The following CNTN5 variants were observed in gnomAD, a reference collection of about 807,000 sequenced individuals.
The protein encoded by CNTN5 is contactin 5.
A neutral mutation model predicts 129.1 loss-of-function variants in CNTN5; 77 were observed. The ratio of observed to expected loss-of-function variants is 0.60; its 90% CI spans 0.50 to 0.72. The LOEUF (loss-of-function observed/expected upper bound fraction) is 0.72. CNTN5 is among the 30% of genes least tolerant of loss of function. The pLI, the probability that CNTN5 is intolerant of heterozygous loss-of-function variation, is 0.00. For missense variants in CNTN5, 1,478 were observed against 1,328.8 expected (o/e 1.11, Z -1.75); for synonymous variants, 509 against 465.6 (o/e 1.09, Z -1.20).
chr11:99,875,415 C>T (rs1482980800), intron 6 of CNTN5, among the ~76,000 whole-genome samples: 1 of 152,032 alleles, frequency 6.6e-6, no homozygotes, highest in African/African-American at 2.4e-5. Flanking sequence ...AGCAAAATAA[C>T]AAGTTATCAA....
At chr11:99,537,960 A>T (rs1009280678) in intron 2 of CNTN5, among the ~76,000 whole-genome samples, 1 of 152,182 alleles carries the variant, frequency 6.6e-6, no homozygotes, top group African/African-American at 2.4e-5. Flanking sequence ...GCCATTGAAA[A>T]TGTGAAGTGT....
At chr11:99,821,718 C>T (rs1946806771) in intron 4 of CNTN5, among the ~76,000 whole-genome samples, 1 of 152,020 alleles carries the variant, frequency 6.6e-6, no homozygotes, top group African/African-American at 2.4e-5. Flanking sequence ...ACAGATAAAA[C>T]CCTCATTAAA....
chr11:99,445,060 A>G (rs1414691668), intron 2 of CNTN5, among the ~76,000 whole-genome samples: 4 of 147,884 alleles, frequency 2.7e-5, no homozygotes, highest in Non-Finnish European at 5.9e-5. Flanking sequence ...ATACATTTAT[A>G]TATTTATATA....
chr11:100,053,706 A>C (rs1943080429), intron 9 of CNTN5, among the ~76,000 whole-genome samples: 1 of 151,720 alleles, frequency 6.6e-6, no homozygotes, highest in Non-Finnish European at 1.5e-5. Flanking sequence ...TACATTCTAG[A>C]ATTTCTATGC....
chr11:100,073,012 G>T (rs1326158924), intron 12 of CNTN5, among the ~76,000 whole-genome samples: 34 of 43,558 alleles, frequency 7.8e-4, no homozygotes, highest in East Asian at 2.9e-3. Context: ...AAAAAAAAAA[G>T]TTACTTGCAA....
intron 2 of CNTN5, among the ~76,000 whole-genome samples, chr11:99,443,151 AG>A: frequency 1.3e-5 from 2 of 152,342 alleles, no homozygotes; most frequent in Middle Eastern, 6.8e-3. Context: ...AAGAAAAACA[AG>A]GATTGAAGTC....
intron 6 of CNTN5, among the ~76,000 whole-genome samples, chr11:99,867,182 C>T (rs1238606178): frequency 6.6e-6 from 1 of 152,178 alleles, no homozygotes; most frequent in Non-Finnish European, 1.5e-5. Context: ...CAGTCAAGAT[C>T]ACTGTTGTCC....
chr11:100,338,764 TGGGACC>T (rs1349613305), intron 21 of CNTN5, among the ~76,000 whole-genome samples: 8 of 152,204 alleles, frequency 5.3e-5, no homozygotes, highest in Admixed American at 1.3e-4. Context: ...AATCTCCATG[TGGGACC>T]CATGGCAGTG....
intron 2 of CNTN5, among the ~76,000 whole-genome samples, chr11:99,330,854 C>T (rs968323789): frequency 1.4e-4 from 22 of 151,744 alleles, no homozygotes; most frequent in Non-Finnish European, 3.1e-4. Context: ...ATCTAAATTT[C>T]TTTTTAATTA....
intron 9 of CNTN5, chr11:100,003,923 C>A (rs986485467): frequency 6.6e-6 from 1 of 152,132 alleles, no homozygotes; most frequent in African/African-American, 2.4e-5. Context: ...ATGAAGATGT[C>A]TACCCTCTAC....
chr11:99,333,204 A>G (rs1866076003), intron 2 of CNTN5, among the ~76,000 whole-genome samples: 2 of 152,010 alleles, frequency 1.3e-5, no homozygotes, highest in Non-Finnish European at 2.9e-5. Context: ...TATGTTTACT[A>G]TTCAAACAAT....
intron 1 of CNTN5, among the ~76,000 whole-genome samples, chr11:99,228,236 C>A (rs1565419475): frequency 6.6e-6 from 1 of 152,050 alleles, no homozygotes; most frequent in Admixed American, 6.6e-5. Context: ...CTAATGTGAA[C>A]TTCCTTATCC....
chr11:99,926,636 T>A (rs552234552), intron 7 of CNTN5, among the ~76,000 whole-genome samples: 2 of 152,264 alleles, frequency 1.3e-5, no homozygotes, highest in Admixed American at 6.5e-5. Flanking sequence ...GATACCATGA[T>A]ACTCCTTGCT....
chr11:99,799,907 C>T (rs954289844), intron 3 of CNTN5, among the ~76,000 whole-genome samples: 4 of 152,022 alleles, frequency 2.6e-5, no homozygotes, highest in Admixed American at 1.3e-4. Context: ...TTTGCTATTA[C>T]TAATTCCATG....
intron 3 of CNTN5, among the ~76,000 whole-genome samples, chr11:99,774,860 A>G (rs1228761525): frequency 6.6e-6 from 1 of 152,110 alleles, no homozygotes; most frequent in African/African-American, 2.4e-5. Context: ...TTATAACAAA[A>G]TATTAAAAAA....
intron 8 of CNTN5, among the ~76,000 whole-genome samples, chr11:99,999,341 G>A (rs184614250): frequency 6.6e-6 from 1 of 152,176 alleles, no homozygotes; most frequent in Admixed American, 6.5e-5. Context: ...CAAAAAGTGG[G>A]CGAAGGACAT....
intron 6 of CNTN5, among the ~76,000 whole-genome samples, chr11:99,908,579 A>G (rs1366192162): frequency 2.0e-5 from 3 of 152,102 alleles, no homozygotes; most frequent in African/African-American, 7.2e-5. Flanking sequence ...TAGATGTTAG[A>G]AATTTTATCA....
rs115817713 is a variant in CNTN5, at chr11:99,730,666, A to C, written c.56-88878A>C. ...TCTTCAATAACAAATGAGTATTTTA[A>C]AAAATTATTTTACTAATACATAACA... On this transcript the variant is annotated intron_variant, in intron 3 of 24. Transcript: ENST00000524871. 6.1e-3 allele frequency among the ~76,000 whole-genome samples: 926 copies of C among 151,938 alleles called. 9 individuals carry two copies. The highest frequency in any genetic ancestry group is 0.021 in the African/African-American group (856 of 41,548).
chr11:99,169,370 A>ATG (rs72294394), intron 1 of CNTN5, among the ~76,000 whole-genome samples: 14,072 of 128,410 alleles, frequency 0.11, 897 homozygotes, highest in East Asian at 0.38. Context: ...GCAATAAGCT[A>ATG]TATGTGTGTG....
Sources: allele counts gnomAD v4.1 joint callset (sites outside exome capture counted in the v4.1 genomes callset), GRCh38; gene constraint gnomAD v4.1.1; transcripts MANE v1.5; gene names NCBI Gene and HGNC (gene_info 2026-07-23, HGNC 2026-07-21).